DLG2: variants seen among roughly 807,000 people sequenced by gnomAD.
The protein encoded by DLG2 is discs large MAGUK scaffold protein 2, also known as disks large homolog 2.
Under a neutral mutation model 132.5 loss-of-function variants are expected in DLG2, and 45 were observed. The observed-to-expected ratio is 0.34, with a 90% CI of 0.27 to 0.44. The LOEUF (loss-of-function observed/expected upper bound fraction) is 0.44. Ranked by LOEUF, DLG2 falls within the 20% of genes least tolerant of loss-of-function variation. The probability of loss-of-function intolerance (pLI) is 1.00; values close to 1 mark genes in which losing one functional copy is unlikely to be tolerated. For synonymous variants in DLG2, 424 were observed against 419.6 expected, an observed-to-expected ratio of 1.01 and a Z score of -0.13; for missense variants, 1,045 against 1,196.9, an observed-to-expected ratio of 0.87 and a Z score of 1.87.
intron 7 of DLG2, among the ~76,000 whole-genome samples, chr11:84,389,861 A>G (rs1191862259): frequency 2.6e-5 from 4 of 152,182 alleles, no homozygotes; most frequent in African/African-American, 7.2e-5. Flanking sequence ...CAGATTATCT[A>G]TGGGCTTACT....
chr11:84,293,520 A>C (rs1361634807), intron 7 of DLG2, among the ~76,000 whole-genome samples: 5 of 152,196 alleles, frequency 3.3e-5, no homozygotes, highest in Admixed American at 3.3e-4. Context: ...CTAAAAATAC[A>C]AAAATTAGCC....
chr11:85,233,696 ATTT>A (rs547235876), intron 4 of DLG2, among the ~76,000 whole-genome samples: 10 of 131,328 alleles, frequency 7.6e-5, no homozygotes, highest in African/African-American at 8.4e-5. Flanking sequence ...TGGATCCTTA[ATTT>A]TTTTTTTTTT....
intron 5 of DLG2, among the ~76,000 whole-genome samples, chr11:85,134,521 T>C (rs1195653149): frequency 1.1e-5 from 1 of 94,222 alleles, no homozygotes; most frequent in African/African-American, 4.4e-5. Flanking sequence ...AGAGCGAGAC[T>C]CCGTCTCAAA....
Position 83,850,985 on chromosome 11 carries a change from G to C in DLG2, c.1566-17215C>G, listed in dbSNP as rs570447341. Among the ~76,000 whole-genome samples, 648 of 152,110 alleles carry C rather than the reference G, an allele frequency of 4.3e-3. 3 individuals are homozygous for C. The highest frequency in any genetic ancestry group is 0.023 in the South Asian group (112 of 4,822). On this transcript the variant is annotated intron_variant, in intron 16 of 27. Transcript: ENST00000376104. The stretch of plus-strand genomic sequence containing the variant: ...AGGTCAGGAGATCGAGATCATCCTG[G>C]CTAACACGGTGAAACCCCGTCTCTA...
intron 3 of DLG2, among the ~76,000 whole-genome samples, chr11:85,579,855 A>G (rs1416888540): frequency 6.6e-6 from 1 of 152,072 alleles, no homozygotes; most frequent in African/African-American, 2.4e-5. Context: ...CTCAGCCATA[A>G]AGAACTTTGT....
At chr11:85,501,558 TAAAC>T (rs1432420407) in intron 3 of DLG2, among the ~76,000 whole-genome samples, 2 of 152,058 alleles carry the variant, frequency 1.3e-5, no homozygotes, top group African/African-American at 4.8e-5. Context: ...ACAAAGAACT[TAAAC>T]AAATTTATAA....
intron 6 of DLG2, among the ~76,000 whole-genome samples, chr11:84,895,506 A>G (rs72953459): frequency 4.7e-4 from 72 of 152,328 alleles, no homozygotes; most frequent in Non-Finnish European, 9.6e-4. Flanking sequence ...TACTGTAGAC[A>G]GAGCAATGAT....
intron 18 of DLG2, among the ~76,000 whole-genome samples, chr11:83,718,148 G>A (rs775714220): frequency 2.0e-4 from 30 of 152,180 alleles, no homozygotes; most frequent in Admixed American, 4.6e-4. Flanking sequence ...TTCTATAGGT[G>A]CACAGAGGAA....
At chr11:84,674,845 C>T (rs1331255732) in intron 6 of DLG2, among the ~76,000 whole-genome samples, 1 of 152,092 alleles carries the variant, frequency 6.6e-6, no homozygotes, top group Non-Finnish European at 1.5e-5. Flanking sequence ...CTTACATGGG[C>T]TCATCTTTAA....
chr11:83,568,370 G>C (rs1207305422), intron 19 of DLG2, among the ~76,000 whole-genome samples: 2 of 152,090 alleles, frequency 1.3e-5, no homozygotes, highest in Non-Finnish European at 2.9e-5. Flanking sequence ...GGAGAAATTT[G>C]CAAAGGGTGA....
At chr11:85,014,495 C>G (rs1658183832) in intron 6 of DLG2, among the ~76,000 whole-genome samples, 2 of 152,194 alleles carry the variant, frequency 1.3e-5, no homozygotes, top group African/African-American at 4.8e-5. Flanking sequence ...CTTAATATCT[C>G]ACTTCAAGCC....
intron 7 of DLG2, among the ~76,000 whole-genome samples, chr11:84,281,828 C>A (rs1029833486): frequency 6.6e-6 from 1 of 151,976 alleles, no homozygotes; most frequent in Non-Finnish European, 1.5e-5. Context: ...TACTACATAC[C>A]TATTAGAATG....
chr11:84,164,474 C>G (rs1181530979), intron 8 of DLG2, among the ~76,000 whole-genome samples: 1 of 152,148 alleles, frequency 6.6e-6, no homozygotes, highest in African/African-American at 2.4e-5. Flanking sequence ...CTTACATTTA[C>G]TTTTCTATCT....
chr11:84,740,567 TCCTCTGGAGG>T (rs892636206), intron 6 of DLG2, among the ~76,000 whole-genome samples: 3 of 152,060 alleles, frequency 2.0e-5, no homozygotes, highest in Admixed American at 6.5e-5. Context: ...GAGTGCATCC[TCCTCTGGAGG>T]CCAGTAGCTA....
At chr11:85,470,012 C>T (rs928593354) in intron 3 of DLG2, among the ~76,000 whole-genome samples, 63 of 152,232 alleles carry the variant, frequency 4.1e-4, no homozygotes, top group African/African-American at 1.5e-3. Flanking sequence ...TACCTTTCTA[C>T]TTCCTCTTCA....
chr11:84,581,282 C>A (rs930521656), intron 6 of DLG2, among the ~76,000 whole-genome samples: 1 of 152,134 alleles, frequency 6.6e-6, no homozygotes, highest in African/African-American at 2.4e-5. Flanking sequence ...CTAGTGGAGT[C>A]GGTTTTTCTG....
intron 6 of DLG2, among the ~76,000 whole-genome samples, chr11:84,555,513 A>G (rs1276443571): frequency 6.6e-6 from 1 of 152,208 alleles, no homozygotes; most frequent in African/African-American, 2.4e-5. Flanking sequence ...CACAAGCTAC[A>G]ATATGGACAT....
chr11:85,376,208 T>C lies in DLG2; in HGVS notation c.41-90843A>G, dbSNP rs113224018. Among the ~76,000 whole-genome samples, 13 of 152,300 alleles carry C rather than the reference T, an allele frequency of 8.5e-5. 1 individual carries two copies. Among genetic ancestry groups the C allele is most frequent in the African/African-American group, 2.9e-4 (12 of 41,570 alleles). ...TAGAAATTGTAGAGATGCAAATTGT[T>C]ATAGGAATATAGAGGGAGGAGAGAT... On this transcript the variant is annotated intron_variant, in intron 3 of 27. Transcript: ENST00000376104.
At chr11:83,535,043 G>A (rs868498988) in intron 20 of DLG2, among the ~76,000 whole-genome samples, 32 of 152,326 alleles carry the variant, frequency 2.1e-4, no homozygotes, top group African/African-American at 6.7e-4. Flanking sequence ...TGGGGAGAAA[G>A]CAAGACAGAT....
Sources: allele counts gnomAD v4.1 joint callset (sites outside exome capture counted in the v4.1 genomes callset), GRCh38; gene constraint gnomAD v4.1.1; transcripts MANE v1.5; gene names NCBI Gene and HGNC (gene_info 2026-07-23, HGNC 2026-07-21).